HIVEP2: variants seen among roughly 807,000 people sequenced by gnomAD.
HIVEP2 encodes transcription factor HIVEP2.
HIVEP2 carries 14 observed loss-of-function variants against 180.7 expected under a neutral mutation model. The observed-to-expected ratio is 0.08, with a 90% CI of 0.05 to 0.12. The LOEUF (loss-of-function observed/expected upper bound fraction) is 0.12, where lower values mean the gene tolerates loss of function less well. HIVEP2 is among the 10% of genes least tolerant of loss of function. The pLI is 1.00. For missense variants in HIVEP2, 2,579 were observed against 3,008.5 expected, an observed-to-expected ratio of 0.86 and a Z score of 3.34; for synonymous variants, 1,184 against 1,136.4, an observed-to-expected ratio of 1.04 and a Z score of -0.84.
At chr6:142,793,673 T>TTCTTTCTCTCTCTC (rs1289211652) in intron 2 of HIVEP2, among the ~76,000 whole-genome samples, 2 of 107,426 alleles carry the variant, frequency 1.9e-5, no homozygotes, top group Admixed American at 1.2e-4. Context: ...CTTTCTTTCT[T>TTCTTTCTCTCTCTC]TCTCTCTCTC....
intron 2 of HIVEP2, among the ~76,000 whole-genome samples, chr6:142,816,876 GTGT>G (rs2114813591): frequency 8.9e-6 from 1 of 111,930 alleles, no homozygotes; most frequent in African/African-American, 2.9e-5. Flanking sequence ...ACCAGAGGGT[GTGT>G]GTGTGTGTGT....
At chr6:142,802,006 A>T (rs1776424593) in intron 2 of HIVEP2, among the ~76,000 whole-genome samples, 1 of 152,158 alleles carries the variant, frequency 6.6e-6, no homozygotes, top group African/African-American at 2.4e-5. Flanking sequence ...CTGGAGTATG[A>T]GGCCCCAGGA....
intron 1 of HIVEP2, among the ~76,000 whole-genome samples, chr6:142,843,925 C>T (rs1204075877): frequency 6.6e-6 from 1 of 152,162 alleles, no homozygotes; most frequent in East Asian, 1.9e-4. Flanking sequence ...GCATTAGAAT[C>T]ATAACTTTTC....
At chr6:142,775,584 C>A (rs1211503243) in intron 4 of HIVEP2, among the ~76,000 whole-genome samples, 1 of 152,036 alleles carries the variant, frequency 6.6e-6, no homozygotes, top group Admixed American at 6.6e-5. Flanking sequence ...CGCCTGTAAA[C>A]CCAGCATTTG....
chr6:142,759,066 C>T (rs1358028289), intron 9 of HIVEP2, among the ~76,000 whole-genome samples: 3 of 152,070 alleles, frequency 2.0e-5, no homozygotes, highest in African/African-American at 7.3e-5. Flanking sequence ...CTTTGGGAGG[C>T]CGAGGCAGGC....
At chr6:142,911,139 T>TAAAAAAAAAAAAAAAAAAAAAAA (rs5880554) in intron 1 of HIVEP2, among the ~76,000 whole-genome samples, 2 of 106,230 alleles carry the variant, frequency 1.9e-5, no homozygotes, top group African/African-American at 7.9e-5. Context: ...ACAAACACAT[T>TAAAAAAAAAAAAAAAAAAAAAAA]AAAAAAAAAA....
intron 2 of HIVEP2, among the ~76,000 whole-genome samples, chr6:142,785,116 C>T (rs1775954506): frequency 6.6e-6 from 1 of 151,824 alleles, no homozygotes; most frequent in East Asian, 1.9e-4. Flanking sequence ...GTCTCGATCT[C>T]CTGACCTCGT....
In HIVEP2 at chr6:142,891,065, T is replaced by C. The variant is rs1776848111; in HGVS notation, c.-640-54018A>G. Among the ~76,000 whole-genome samples the C allele has an allele frequency of 3.9e-5, 6 of 152,344 alleles. No individual in the cohort carries two copies. In the South Asian group the frequency reaches 1.2e-3, roughly 32 times the overall value. ...ATAGGGTCTGCAGTTTTCAAAAGTA[T>C]TTGGTAAAAATAGTTCACTTTTGTT... On this transcript the variant is annotated intron_variant, in intron 1 of 9. Coordinates refer to ENST00000367603, the MANE Select transcript of HIVEP2 (RefSeq NM_006734.4).
intron 2 of HIVEP2, among the ~76,000 whole-genome samples, chr6:142,831,585 G>A (rs1775082629): frequency 6.6e-6 from 1 of 152,174 alleles, no homozygotes; most frequent in Non-Finnish European, 1.5e-5. Context: ...CTCATAGTCA[G>A]AGGCCACATG....
At chr6:142,890,227 C>A (rs1776824011) in intron 1 of HIVEP2, among the ~76,000 whole-genome samples, 1 of 152,178 alleles carries the variant, frequency 6.6e-6, no homozygotes, top group African/African-American at 2.4e-5. Flanking sequence ...GTAAAACAAT[C>A]CATTCTATTT....
intron 1 of HIVEP2, among the ~76,000 whole-genome samples, chr6:142,879,576 AC>A (rs576055303): frequency 3.1e-3 from 467 of 151,674 alleles, no homozygotes; most frequent in Middle Eastern, 0.01. Flanking sequence ...CTAATGCAAG[AC>A]CCCCTTCTCT....
intron 2 of HIVEP2, among the ~76,000 whole-genome samples, chr6:142,834,519 A>G (rs1036717978): frequency 4.6e-5 from 7 of 152,210 alleles, no homozygotes; most frequent in Admixed American, 3.3e-4. Context: ...ATGTAGTGAC[A>G]GCATATAAAT....
chr6:142,841,624 T>C (rs1775367289), intron 1 of HIVEP2, among the ~76,000 whole-genome samples: 1 of 152,184 alleles, frequency 6.6e-6, no homozygotes, highest in South Asian at 2.1e-4. Flanking sequence ...TTAAGTGTAC[T>C]GTTTGCCCTC....
At chr6:142,824,614 C>T (rs1774813362) in intron 2 of HIVEP2, among the ~76,000 whole-genome samples, 1 of 152,210 alleles carries the variant, frequency 6.6e-6, no homozygotes, top group South Asian at 2.1e-4. Flanking sequence ...AAAGCAGTTC[C>T]ATCAGGTTTT....
At chr6:142,896,191 C>T (rs765693922) in intron 1 of HIVEP2, among the ~76,000 whole-genome samples, 3 of 152,164 alleles carry the variant, frequency 2.0e-5, no homozygotes, top group Non-Finnish European at 4.4e-5. Flanking sequence ...AATTGTGTCA[C>T]ATCACCTACC....
At chr6:142,900,292 T>C (rs1777101957) in intron 1 of HIVEP2, among the ~76,000 whole-genome samples, 1 of 152,164 alleles carries the variant, frequency 6.6e-6, no homozygotes, top group Non-Finnish European at 1.5e-5. Context: ...AAGATGAGTA[T>C]GGCTGCAAAG....
At chr6:142,920,299 G>A (rs977113069) in intron 1 of HIVEP2, among the ~76,000 whole-genome samples, 2 of 152,174 alleles carry the variant, frequency 1.3e-5, no homozygotes, top group African/African-American at 4.8e-5. Context: ...TATCTCCGAA[G>A]TCCTGGCTTC....
chr6:142,921,096 C>T (rs756771834), intron 1 of HIVEP2, among the ~76,000 whole-genome samples: 2 of 152,150 alleles, frequency 1.3e-5, no homozygotes, highest in East Asian at 3.9e-4. Context: ...AAAGGAAAGT[C>T]TGGGATTTGA....
rs1582844581 is a variant in HIVEP2 at position 142,772,807 on chromosome 6, G to A, written c.1932C>T (p.Pro644=). Residue 644 remains proline, a synonymous_variant, in exon 5 of 10, where the codon CCC becomes CCT. Transcript: ENST00000367603. This position sits in a 1 kb window ranked among gnomAD's most constrained non-coding sequence, Gnocchi z 4.9. The part of the protein sequence containing the change: ...VGYDYDVCRK[P]YKKWEDSETP... Reference sequence around the variant, plus strand: ...TTTCAGAGTCCTCCCACTTCTTATAGGGTTTCCGACAGACATCATAGTCAT... The same window carrying A: ...TTTCAGAGTCCTCCCACTTCTTATAAGGTTTCCGACAGACATCATAGTCAT... 6.2e-7 allele frequency: 1 copy of A among 1,614,160 alleles called. No individual in the cohort carries two copies. Among genetic ancestry groups the A allele is most frequent in the Non-Finnish European group, 8.5e-7 (1 of 1,180,032 alleles).
Sources: allele counts gnomAD v4.1 joint callset (sites outside exome capture counted in the v4.1 genomes callset), GRCh38; gene constraint gnomAD v4.1.1; non-coding constraint Gnocchi (gnomAD v3.1); transcripts MANE v1.5; gene names NCBI Gene and HGNC (gene_info 2026-07-23, HGNC 2026-07-21).